Variants in PLCG2 observed in about 807,000 individuals in gnomAD.
PLCG2 encodes 1-phosphatidylinositol 4,5-bisphosphate phosphodiesterase gamma-2.
Under a neutral mutation model 175.6 loss-of-function variants are expected in PLCG2, and 69 were observed. The observed-to-expected ratio is 0.39, with a 90% CI of 0.32 to 0.48. PLCG2 has a LOEUF of 0.48. Ranked by LOEUF, PLCG2 falls within the 20% of genes least tolerant of loss-of-function variation. The pLI, the probability that PLCG2 is intolerant of heterozygous loss-of-function variation, is 0.91. For synonymous variants in PLCG2, 827 were observed against 624.0 expected, an observed-to-expected ratio of 1.33 and a Z score of -4.85; for missense variants, 1,798 against 1,650.9, an observed-to-expected ratio of 1.09 and a Z score of -1.54.
chr16:81,921,089 C>G, intron 20 of PLCG2, 109 bp from the exon 21 acceptor site: 1 of 656,426 alleles, frequency 1.5e-6, no homozygotes, highest in Non-Finnish European at 2.7e-6. Context: ...GGTTTCAACT[C>G]CTCTATCAAA....
intron 2 of PLCG2, chr16:81,756,008 C>G (rs1202901059): frequency 6.5e-6 from 1 of 153,134 alleles, no homozygotes; most frequent in Non-Finnish European, 1.5e-5. Flanking sequence ...CAAACCCTGA[C>G]TCCAGGCCAG....
Position 81,937,972 on chromosome 16 carries a change from T to C in PLCG2, c.3198+69T>C, listed in dbSNP as rs553655567. Reference sequence around the variant, plus strand: ...CCCTGGGGGCTGGGCCGATGCTGTCTTGAGAGCAGGGAACCCATGTCTAGG... The same window carrying C: ...CCCTGGGGGCTGGGCCGATGCTGTCCTGAGAGCAGGGAACCCATGTCTAGG... On this transcript the variant is annotated intron_variant, in intron 28 of 32. Transcript: ENST00000564138. 3 of 1,494,970 alleles carry C rather than the reference T, an allele frequency of 2.0e-6. No homozygotes were observed. The South Asian group carries it at 3.5e-5, about 17-fold the overall frequency. 92.6% of individuals were successfully genotyped at this position (1,494,970 alleles called of 1,614,324 possible). A position where few individuals can be genotyped will look rare whatever the true frequency, so the allele number is the denominator to read the frequency against.
At chr16:81,935,034 A>T (rs933159276) in intron 26 of PLCG2, among the ~76,000 whole-genome samples, 3 of 152,184 alleles carry the variant, frequency 2.0e-5, no homozygotes, top group South Asian at 2.1e-4. Context: ...CAGCCAAACC[A>T]TATCACCCAC....
At chr16:81,874,925 A>C (rs953571956) in intron 7 of PLCG2, among the ~76,000 whole-genome samples, 1 of 118,626 alleles carries the variant, frequency 8.4e-6, no homozygotes, top group African/African-American at 3.5e-5. Flanking sequence ...CAGGTGGACT[A>C]TTTGCTAGGC....
chr16:81,932,399 T>A (rs1296017931), intron 25 of PLCG2, among the ~76,000 whole-genome samples: 1 of 152,228 alleles, frequency 6.6e-6, no homozygotes, highest in Non-Finnish European at 1.5e-5. Context: ...AGTGCCACCC[T>A]GTCTTCGATG....
chr16:81,943,631 A>C (rs550777865), intron 30 of PLCG2, among the ~76,000 whole-genome samples: 1 of 152,306 alleles, frequency 6.6e-6, no homozygotes, highest in African/African-American at 2.4e-5. Flanking sequence ...CTCACCCCAG[A>C]CTTCCCAAGT....
At chr16:81,915,748 C>A (rs1035292260) in intron 19 of PLCG2, among the ~76,000 whole-genome samples, 1 of 152,172 alleles carries the variant, frequency 6.6e-6, no homozygotes, top group Non-Finnish European at 1.5e-5. Context: ...TGGAAGGAGC[C>A]GGAACCTGAC....
At chr16:81,751,811 C>T (rs1421287061) in intron 1 of PLCG2, among the ~76,000 whole-genome samples, 2 of 151,988 alleles carry the variant, frequency 1.3e-5, no homozygotes, top group African/African-American at 4.8e-5. Context: ...CACCTGAGGT[C>T]AGGAGTTCAA....
chr16:81,803,353 C>G (rs1489964691), intron 2 of PLCG2, among the ~76,000 whole-genome samples: 2 of 151,998 alleles, frequency 1.3e-5, no homozygotes, highest in Non-Finnish European at 2.9e-5. Flanking sequence ...ACTTCTTTAG[C>G]CTAACATAAG....
chr16:81,928,157 G>A (rs1413914405), intron 23 of PLCG2, among the ~76,000 whole-genome samples: 2 of 152,142 alleles, frequency 1.3e-5, no homozygotes, highest in African/African-American at 2.4e-5. Flanking sequence ...TAGAGCATGG[G>A]TGTTGCTTCC....
At chr16:81,957,903 C>T (rs777751659) in intron 32 of PLCG2, 53 bp from the exon 33 acceptor site, 46 of 1,482,208 alleles carry the variant, frequency 3.1e-5, no homozygotes, top group African/African-American at 6.9e-5. Context: ...GAGTTCAGCA[C>T]GCAGCCCATT....
rs149671160 is a variant in PLCG2 at position 81,815,808 on chromosome 16, C to G, written c.193+29626C>G. Reference sequence around the variant, plus strand: ...AGACACAGTGGCTCACGCCTGTAATCCCAGCACTTTGGGAGGCCAAGGTGG... The same window carrying G: ...AGACACAGTGGCTCACGCCTGTAATGCCAGCACTTTGGGAGGCCAAGGTGG... On this transcript the variant is annotated intron_variant, in intron 2 of 32. Transcript: ENST00000564138. 2.6e-5 allele frequency among the ~76,000 whole-genome samples: 4 copies of G among 152,324 alleles called. No homozygotes were observed. The East Asian group carries it at 5.8e-4, about 22-fold the overall frequency.
At chr16:81,779,266 C>G (rs1910617282), upstream of PLCG2, 1 of 150,646 alleles carries the variant, frequency 6.6e-6, no homozygotes, top group Admixed American at 6.6e-5. Context: ...CCGAGGATCA[C>G]GTGGCGCGGC....
chr16:81,845,201 A>C (rs1329321043), intron 2 of PLCG2, among the ~76,000 whole-genome samples: 1 of 152,112 alleles, frequency 6.6e-6, no homozygotes, highest in East Asian at 1.9e-4. Context: ...TCAACCTCCC[A>C]AAGTGCTGGA....
At position 81,936,162 on chromosome 16, in the gene PLCG2, T is replaced by G. The variant is rs1567540462; in HGVS notation, c.2843-7T>G. ...GAAGTACTGATGACCTTTTTCTCTGTGTGCAGAAAATCCTGACTTCCGAGA... is the reference window on the plus strand; with the variant it reads ...GAAGTACTGATGACCTTTTTCTCTGGGTGCAGAAAATCCTGACTTCCGAGA... On this transcript the variant is annotated splice_polypyrimidine_tract_variant and splice_region_variant and intron_variant, in intron 26 of 32. Coordinates refer to ENST00000564138, the MANE Select transcript of PLCG2 (RefSeq NM_002661.5). 1.2e-6 allele frequency: 2 copies of G among 1,613,788 alleles called. No homozygotes were observed. Among genetic ancestry groups the G allele is most frequent in the Non-Finnish European group, 1.7e-6 (2 of 1,179,988 alleles).
At chr16:81,837,326 C>T (rs1463622780) in intron 2 of PLCG2, among the ~76,000 whole-genome samples, 4 of 152,232 alleles carry the variant, frequency 2.6e-5, no homozygotes, top group African/African-American at 9.6e-5. Flanking sequence ...GTGGTCCCAG[C>T]TGGCTTCTAT....
intron 2 of PLCG2, among the ~76,000 whole-genome samples, chr16:81,757,643 G>A (rs1386128101): frequency 2.0e-5 from 3 of 152,096 alleles, no homozygotes; most frequent in Non-Finnish European, 4.4e-5. Flanking sequence ...TTTTACATTT[G>A]GAAAAGAGCT....
At chr16:81,794,753 A>T (rs535027303) in intron 2 of PLCG2, among the ~76,000 whole-genome samples, 1 of 152,364 alleles carries the variant, frequency 6.6e-6, no homozygotes, top group East Asian at 1.9e-4. Flanking sequence ...CGTTGATGTC[A>T]TCATTATCAT....
chr16:81,906,678 C>T (rs1450936215), intron 15 of PLCG2, among the ~76,000 whole-genome samples: 1 of 152,180 alleles, frequency 6.6e-6, no homozygotes, highest in African/African-American at 2.4e-5. Context: ...CCCGCCTTGG[C>T]CTCCCGAAGT....
Sources: allele counts gnomAD v4.1 joint callset (sites outside exome capture counted in the v4.1 genomes callset), GRCh38; gene constraint gnomAD v4.1.1; transcripts MANE v1.5; gene names NCBI Gene and HGNC (gene_info 2026-07-23, HGNC 2026-07-21).